Variants in ADAMTS3 observed in about 807,000 individuals in gnomAD.
The protein encoded by ADAMTS3 is A disintegrin and metalloproteinase with thrombospondin motifs 3.
Under a neutral mutation model 129.0 loss-of-function variants are expected in ADAMTS3, and 73 were observed. The ratio of observed to expected loss-of-function variants is 0.57; its 90% confidence interval spans 0.47 to 0.69. The LOEUF (loss-of-function observed/expected upper bound fraction) is 0.69, where lower values mean the gene tolerates loss of function less well. ADAMTS3 is among the 30% of genes least tolerant of loss of function. The probability of loss-of-function intolerance (pLI) is 0.00; values close to 1 mark genes in which losing one functional copy is unlikely to be tolerated. For missense variants in ADAMTS3, 1,457 were observed against 1,514.5 expected (o/e 0.96, Z 0.63); for synonymous variants, 477 against 510.8 (o/e 0.93, Z 0.89).
intron 3 of ADAMTS3, among the ~76,000 whole-genome samples, chr4:72,519,154 T>C (rs1203148138): frequency 6.6e-6 from 1 of 152,118 alleles, no homozygotes; most frequent in Non-Finnish European, 1.5e-5. Flanking sequence ...TTAAGAATGT[T>C]GAATATTGGC....
rs1455561820 is a variant in ADAMTS3 at position 72,293,554 on chromosome 4, T to G, written c.2723+2100A>C. 2.0e-5 allele frequency among the ~76,000 whole-genome samples: 3 copies of G among 152,278 alleles called. No homozygotes were observed. The East Asian group carries it at 5.8e-4, about 29-fold the overall frequency. ...CACTCCCTAGGCAAGAAATTGATTC[T>G]GTTCTATGGAATCTTTTTTATAAGA... On this transcript the variant is annotated intron_variant, in intron 19 of 21. Transcript: ENST00000286657.
chr4:72,542,306 A>G (rs1412088060), intron 3 of ADAMTS3, among the ~76,000 whole-genome samples: 1 of 151,972 alleles, frequency 6.6e-6, no homozygotes, highest in Non-Finnish European at 1.5e-5. Flanking sequence ...CTGGGACTAC[A>G]GGCGCCCACC....
At chr4:72,292,493 C>G (rs896850388) in intron 19 of ADAMTS3, among the ~76,000 whole-genome samples, 29 of 152,118 alleles carry the variant, frequency 1.9e-4, no homozygotes, top group African/African-American at 7.0e-4. Context: ...CACAAATGCA[C>G]CCGATAGAAA....
chr4:72,447,418 G>A (rs1578687234), intron 3 of ADAMTS3, among the ~76,000 whole-genome samples: 2 of 151,620 alleles, frequency 1.3e-5, no homozygotes, highest in South Asian at 4.2e-4. Flanking sequence ...CAAATACTAT[G>A]ATCTCAGCCT....
chr4:72,529,669 T>C (rs993564080), intron 3 of ADAMTS3, among the ~76,000 whole-genome samples: 3 of 127,484 alleles, frequency 2.4e-5, no homozygotes, highest in African/African-American at 8.8e-5. Context: ...TATAAAATAT[T>C]AAATATTATT....
intron 3 of ADAMTS3, among the ~76,000 whole-genome samples, chr4:72,444,457 T>A (rs1718200511): frequency 6.6e-6 from 1 of 151,804 alleles, no homozygotes; most frequent in Admixed American, 6.6e-5. Context: ...AATTACTGCC[T>A]GTGTTAAAAA....
intron 2 of ADAMTS3, among the ~76,000 whole-genome samples, chr4:72,563,735 G>C (rs145788073): frequency 3.3e-5 from 5 of 152,172 alleles, no homozygotes; most frequent in African/African-American, 1.2e-4. Flanking sequence ...CTGGAGAAAG[G>C]CACAAAACAA....
At chr4:72,354,757 C>T (rs1180667724) in intron 4 of ADAMTS3, among the ~76,000 whole-genome samples, 1 of 151,888 alleles carries the variant, frequency 6.6e-6, no homozygotes, top group Admixed American at 6.6e-5. Context: ...CAATCAAAAC[C>T]CTGAAGTCAT....
At chr4:72,347,861 G>A (rs1008697755) in intron 4 of ADAMTS3, among the ~76,000 whole-genome samples, 1 of 151,808 alleles carries the variant, frequency 6.6e-6, no homozygotes, top group Non-Finnish European at 1.5e-5. Flanking sequence ...ATAGAAGAGA[G>A]GTGAGATTCC....
chr4:72,339,574 G>C lies in ADAMTS3; in HGVS notation c.781C>G (p.Leu261Val). The change falls in exon 5 of 22, where the codon CTG becomes GTG. Residue 261 changes from leucine (L) to valine (V), a missense_variant. By Grantham distance (32) the Leu-to-Val change is conservative. Coordinates refer to ENST00000286657, the MANE Select transcript of ADAMTS3 (RefSeq NM_014243.3). ...AGENDYNIEV[L>V]LGVDDSVVRF... ...ACCACAGAGTCATCCACTCCCAGCA[G>C]TACCTCGATATTGTAATCGTTTTCT... 1 of 1,613,978 alleles carries C rather than the reference G, an allele frequency of 6.2e-7. No individual in the cohort carries two copies. Among genetic ancestry groups the C allele is most frequent in the South Asian group, 1.1e-5 (1 of 91,086 alleles).
intron 3 of ADAMTS3, among the ~76,000 whole-genome samples, chr4:72,419,943 C>A (rs749354406): frequency 6.6e-6 from 1 of 152,050 alleles, no homozygotes; most frequent in Non-Finnish European, 1.5e-5. Flanking sequence ...TTTCATATTT[C>A]TCTGATGATT....
intron 3 of ADAMTS3, among the ~76,000 whole-genome samples, chr4:72,521,657 T>C (rs1720675092): frequency 6.6e-6 from 1 of 152,166 alleles, no homozygotes; most frequent in South Asian, 2.1e-4. Flanking sequence ...CTATTTATTA[T>C]ATTATACATA....
intron 5 of ADAMTS3, among the ~76,000 whole-genome samples, chr4:72,334,568 G>A (rs1453368002): frequency 1.3e-5 from 2 of 152,090 alleles, no homozygotes; most frequent in Non-Finnish European, 2.9e-5. Flanking sequence ...GCTTGGTGGA[G>A]GATTCAGGCC....
At chr4:72,325,078 G>A (rs1719666201) in intron 5 of ADAMTS3, among the ~76,000 whole-genome samples, 1 of 151,966 alleles carries the variant, frequency 6.6e-6, no homozygotes, top group Admixed American at 6.6e-5. Flanking sequence ...TGAGAGGGAG[G>A]AAAGGGTTTT....
chr4:72,461,211 T>C (rs1718760478), intron 3 of ADAMTS3, among the ~76,000 whole-genome samples: 2 of 151,662 alleles, frequency 1.3e-5, no homozygotes, highest in African/African-American at 4.8e-5. Context: ...GGGTAAATAC[T>C]AGTATATAAA....
rs1171721873 is a variant in ADAMTS3, at chr4:72,529,907, A to T, written c.504+18571T>A. Among the ~76,000 whole-genome samples, 16 of 58,416 alleles carry T rather than the reference A, an allele frequency of 2.7e-4. 1 individual carries two copies. In the Admixed American group the frequency reaches 4.1e-3, roughly 15 times the overall value. 38.3% of individuals were successfully genotyped at this position (58,416 alleles called of 152,430 possible). The stretch of plus-strand genomic sequence containing the variant: ...AATATATTATATATTATATATAAAT[A>T]ATATATATTATAAATATTATATAAT... On this transcript the variant is annotated intron_variant, in intron 3 of 21. Coordinates refer to ENST00000286657, the MANE Select transcript of ADAMTS3 (RefSeq NM_014243.3).
Position 72,368,126 on chromosome 4 carries a change from ATAT to A in ADAMTS3, c.662-28436_662-28434del, listed in dbSNP as rs762392392. 5.3e-5 allele frequency among the ~76,000 whole-genome samples: 8 copies of A among 152,322 alleles called. No homozygotes were observed. The South Asian group carries it at 8.3e-4, about 16-fold the overall frequency. ...GTATAGTATGTAGTCATATTTACAC[ATAT>A]TATTAAGTAATACAACTTCAAAACT... On this transcript the variant is annotated intron_variant, in intron 4 of 21. Transcript: ENST00000286657.
intron 3 of ADAMTS3, among the ~76,000 whole-genome samples, chr4:72,521,948 T>C (rs1307823273): frequency 1.3e-5 from 2 of 152,178 alleles, no homozygotes; most frequent in Non-Finnish European, 2.9e-5. Flanking sequence ...AGATTTCTAA[T>C]TGAGGTGGCT....
rs149467037 is a variant in ADAMTS3 at position 72,463,238 on chromosome 4, G to A, written c.505-48267C>T. ...AGGTGTGTATTAGGCTATGCCATCT[G>A]GGTTTGTGTAAGTACACTGCATGAT... On this transcript the variant is annotated intron_variant, in intron 3 of 21. Transcript: ENST00000286657. Among the ~76,000 whole-genome samples, 241 of 152,022 alleles carry A rather than the reference G, an allele frequency of 1.6e-3. 1 individual carries two copies. Among genetic ancestry groups the A allele is most frequent in the African/African-American group, 5.5e-3 (228 of 41,522 alleles).
Sources: gnomAD v4.1 joint callset for allele counts (sites outside exome capture counted in the v4.1 genomes callset) on GRCh38, gnomAD v4.1.1 for gene constraint, MANE v1.5 for transcripts, NCBI Gene and HGNC (gene_info 2026-07-23, HGNC 2026-07-21) for gene names.